The following TNFRSF19 variants were observed in gnomAD, a reference collection of about 807,000 sequenced individuals.
TNFRSF19 encodes tumor necrosis factor receptor superfamily member 19.
TNFRSF19 carries 27 observed loss-of-function variants against 46.4 expected under a neutral mutation model. The ratio of observed to expected loss-of-function variants is 0.58; its 90% CI spans 0.43 to 0.80. TNFRSF19 has a LOEUF of 0.80. Among genes scored for constraint, TNFRSF19 ranks in the 30% least tolerant of loss-of-function variants. The probability of loss-of-function intolerance (pLI) is 0.00; values close to 1 mark genes in which losing one functional copy is unlikely to be tolerated. For synonymous variants in TNFRSF19, 204 were observed against 205.0 expected, an observed-to-expected ratio of 1.00 and a Z score of 0.04; for missense variants, 511 against 530.8, an observed-to-expected ratio of 0.96 and a Z score of 0.37.
chr13:23,618,504 G>A (rs1386789660), intron 4 of TNFRSF19, among the ~76,000 whole-genome samples: 7 of 152,140 alleles, frequency 4.6e-5, no homozygotes, highest in African/African-American at 1.4e-4. Flanking sequence ...GTGATGACAT[G>A]GAGAGATTGG....
chr13:23,605,113 G>A (rs1880422632), intron 3 of TNFRSF19, among the ~76,000 whole-genome samples: 1 of 152,088 alleles, frequency 6.6e-6, no homozygotes, highest in Admixed American at 6.6e-5. Flanking sequence ...TCTTAACACT[G>A]AGAAAACAAA....
In TNFRSF19 at chr13:23,668,091, G is replaced by C; in HGVS notation, c.839+9G>C. The C allele has an allele frequency of 6.3e-7, 1 of 1,593,342 alleles. No individual in the cohort carries two copies. Among genetic ancestry groups the C allele is most frequent in the Non-Finnish European group, 8.5e-7 (1 of 1,169,944 alleles). On this transcript the variant is annotated intron_variant, in intron 8 of 9. Coordinates refer to ENST00000248484, the MANE Select transcript of TNFRSF19 (RefSeq NM_148957.4). ...GCCAGTCTTCAGGCAAGGTAACTAG[G>C]TGCTTTCAATCAATCATTTCATAAC...
chr13:23,629,129 G>A (rs1213106388), intron 5 of TNFRSF19, among the ~76,000 whole-genome samples: 1 of 150,458 alleles, frequency 6.6e-6, no homozygotes, highest in African/African-American at 2.4e-5. Flanking sequence ...TACTGCTTCA[G>A]TGATGTTTTT....
At chr13:23,637,664 T>C (rs557359514) in intron 5 of TNFRSF19, among the ~76,000 whole-genome samples, 124 of 152,356 alleles carry the variant, frequency 8.1e-4, no homozygotes, top group South Asian at 1.7e-3. Context: ...TATACATTTT[T>C]TTCTTAGTTG....
chr13:23,602,363 A>G (rs1487620731), intron 3 of TNFRSF19, among the ~76,000 whole-genome samples: 1 of 152,132 alleles, frequency 6.6e-6, no homozygotes, highest in Non-Finnish European at 1.5e-5. Flanking sequence ...GAATCAAACC[A>G]TGTGGGACAA....
At chr13:23,647,453 A>C (rs757435374) in intron 5 of TNFRSF19, among the ~76,000 whole-genome samples, 1 of 152,196 alleles carries the variant, frequency 6.6e-6, no homozygotes, top group Non-Finnish European at 1.5e-5. Flanking sequence ...CCCAGGCTAC[A>C]GTGCAGTAGT....
intron 5 of TNFRSF19, among the ~76,000 whole-genome samples, chr13:23,644,645 C>T (rs1420224928): frequency 6.6e-6 from 1 of 152,208 alleles, no homozygotes; most frequent in Non-Finnish European, 1.5e-5. Context: ...CGATATCAGG[C>T]ACTAGCTTGG....
intron 5 of TNFRSF19, among the ~76,000 whole-genome samples, chr13:23,656,481 T>A (rs561124841): frequency 2.6e-5 from 4 of 152,220 alleles, no homozygotes; most frequent in African/African-American, 9.6e-5. Flanking sequence ...ACTCTAATTA[T>A]GATACTACTT....
chr13:23,630,744 C>T (rs1432169948), intron 5 of TNFRSF19, among the ~76,000 whole-genome samples: 1 of 152,174 alleles, frequency 6.6e-6, no homozygotes, highest in Non-Finnish European at 1.5e-5. Flanking sequence ...CCATATCCTG[C>T]CTTCAGTCTG....
chr13:23,607,502 T>A (rs1880592907), intron 3 of TNFRSF19, among the ~76,000 whole-genome samples: 1 of 152,162 alleles, frequency 6.6e-6, no homozygotes, highest in African/African-American at 2.4e-5. Context: ...CAGGGCCCTT[T>A]TTGACTGAGG....
At chr13:23,635,943 C>CT (rs1882648408) in intron 5 of TNFRSF19, among the ~76,000 whole-genome samples, 1 of 152,074 alleles carries the variant, frequency 6.6e-6, no homozygotes, top group Admixed American at 6.5e-5. Flanking sequence ...GGATGTATAA[C>CT]TTATGTAATC....
chr13:23,664,357 A>C (rs1261944085), intron 7 of TNFRSF19, among the ~76,000 whole-genome samples: 1 of 152,072 alleles, frequency 6.6e-6, no homozygotes, highest in African/African-American at 2.4e-5. Context: ...CTGTGGTCTG[A>C]GCATGTGTTT....
intron 5 of TNFRSF19, among the ~76,000 whole-genome samples, chr13:23,627,350 T>C (rs886246373): frequency 6.6e-6 from 1 of 152,258 alleles, no homozygotes. Flanking sequence ...TACAACTGTA[T>C]ATGAGAAAAT....
intron 1 of TNFRSF19, chr13:23,579,314 T>TGGGCGGG (rs1878202940): frequency 6.6e-6 from 1 of 152,022 alleles, no homozygotes; most frequent in Non-Finnish European, 1.5e-5. Flanking sequence ...GGGTGGGCGG[T>TGGGCGGG]GCCCTGAGCG....
chr13:23,583,040 TTGTA>T (rs560375502), intron 1 of TNFRSF19, among the ~76,000 whole-genome samples: 232 of 152,354 alleles, frequency 1.5e-3, no homozygotes, highest in African/African-American at 5.1e-3. Flanking sequence ...GTGCAACTTT[TTGTA>T]TGAAAGTTTA....
At chr13:23,644,918 C>T (rs1883245213) in intron 5 of TNFRSF19, among the ~76,000 whole-genome samples, 1 of 152,192 alleles carries the variant, frequency 6.6e-6, no homozygotes, top group South Asian at 2.1e-4. Flanking sequence ...TGTAATCCTT[C>T]TGTGATCCTC....
chr13:23,612,093 G>A (rs1476084264), intron 3 of TNFRSF19, among the ~76,000 whole-genome samples: 2 of 152,174 alleles, frequency 1.3e-5, no homozygotes, highest in African/African-American at 4.8e-5. Context: ...TAAATCTCAT[G>A]TGTGTAATAG....
chr13:23,601,004 T>C (rs185937197), intron 3 of TNFRSF19, among the ~76,000 whole-genome samples: 2 of 152,310 alleles, frequency 1.3e-5, no homozygotes, highest in East Asian at 3.9e-4. Context: ...AGAACAACTA[T>C]GATTAATATG....
rs571369336 is a variant in TNFRSF19, at chr13:23,634,001, A to G, written c.445+7209A>G. On this transcript the variant is annotated intron_variant, in intron 5 of 9. Transcript: ENST00000248484. Reference sequence around the variant, plus strand: ...GCTATTTCAAACACTTATTCTCCAGATATGTTTCCATAGCCCTAATTTCAT... The same window carrying G: ...GCTATTTCAAACACTTATTCTCCAGGTATGTTTCCATAGCCCTAATTTCAT... 2.6e-5 allele frequency among the ~76,000 whole-genome samples: 4 copies of G among 152,342 alleles called. No individual in the cohort carries two copies. The South Asian group carries it at 8.3e-4, about 32-fold the overall frequency.
Sources: allele counts gnomAD v4.1 joint callset (sites outside exome capture counted in the v4.1 genomes callset), GRCh38; gene constraint gnomAD v4.1.1; transcripts MANE v1.5; gene names NCBI Gene and HGNC (gene_info 2026-07-23, HGNC 2026-07-21).